Variants in ZNF674 observed in about 807,000 individuals in gnomAD.
The protein encoded by ZNF674 is zinc finger family member 674.
Under a neutral mutation model 7.0 loss-of-function variants are expected in ZNF674, and 2 were observed. The observed-to-expected ratio is 0.29, with a 90% CI of 0.12 to 0.90. The LOEUF (loss-of-function observed/expected upper bound fraction) is 0.90. ZNF674 is among the 40% of genes least tolerant of loss of function. The pLI, the probability that ZNF674 is intolerant of heterozygous loss-of-function variation, is 0.57. For missense variants in ZNF674, 297 were observed against 415.5 expected, an observed-to-expected ratio of 0.71 and a Z score of 2.48; for synonymous variants, 103 against 145.2, an observed-to-expected ratio of 0.71 and a Z score of 2.09.
At chrX:46,544,480 C>A (rs1369858186) in intron 2 of ZNF674, 21 bp downstream of exon 2, 1 of 112,146 alleles carries the variant, frequency 8.9e-6, no homozygotes, top group Non-Finnish European at 1.9e-5. Flanking sequence ...TAGATCTCTG[C>A]CTGTGACCCA....
chrX:46,524,557 A>T (rs1941972910), intron 5 of ZNF674, among the ~76,000 whole-genome samples: 1 of 109,933 alleles, frequency 9.1e-6, no homozygotes, highest in African/African-American at 3.3e-5. Context: ...TTAGCCAGGC[A>T]TGGTGGCAGG....
rs1238299531 is a variant in ZNF674, at chrX:46,528,835, C to T, written c.90G>A (p.Lys30=). 1 of 1,209,797 alleles carries T rather than the reference C, an allele frequency of 8.3e-7. No homozygotes were observed. The highest frequency in any genetic ancestry group is 1.1e-6 in the Non-Finnish European group (1 of 895,162). ...CAAGCATGACATCCCTGTAGAGGTTCTTCTGGGCAGAGTCCAGTTGCTGCC... is the reference window on the plus strand; with the variant it reads ...CAAGCATGACATCCCTGTAGAGGTTTTTCTGGGCAGAGTCCAGTTGCTGCC... ...EEWQQLDSAQ[K]NLYRDVMLEN... Residue 30 remains lysine, a synonymous_variant, in exon 4 of 6, where the codon AAG becomes AAA. Coordinates refer to ENST00000683375, the MANE Select transcript of ZNF674 (RefSeq NM_001190417.2).
intron 5 of ZNF674, among the ~76,000 whole-genome samples, chrX:46,512,069 G>C (rs1941666207): frequency 9.9e-6 from 1 of 101,312 alleles, no homozygotes; most frequent in South Asian, 4.3e-4. Context: ...CAGAGCAACT[G>C]GGTTTTGGCC....
Position 46,520,538 on chromosome X carries a change from T to G in ZNF674, c.238+7812A>C, listed in dbSNP as rs192868012. Among the ~76,000 whole-genome samples the G allele has an allele frequency of 4.5e-3, 505 of 111,553 alleles. 1 individual carries two copies. Among genetic ancestry groups the G allele is most frequent in the African/African-American group, 0.016 (483 of 30,763 alleles). On this transcript the variant is annotated intron_variant, in intron 5 of 5. Coordinates refer to ENST00000683375, the MANE Select transcript of ZNF674 (RefSeq NM_001190417.2). ...AGTTCTGCAAGATGTTACCTACCAA[T>G]GGGGGGAATTGGATAAAGGGTACAT...
chrX:46,539,129 G>T (rs937445607), intron 3 of ZNF674, among the ~76,000 whole-genome samples: 5 of 112,197 alleles, frequency 4.5e-5, no homozygotes, highest in Non-Finnish European at 9.4e-5. Context: ...AAGCTGCAGT[G>T]AGCTGTGATC....
At chrX:46,512,885 T>C (rs981563852) in intron 5 of ZNF674, among the ~76,000 whole-genome samples, 25 of 111,831 alleles carry the variant, frequency 2.2e-4, no homozygotes, top group Non-Finnish European at 1.3e-4. Flanking sequence ...AGATATTGAC[T>C]ATACACAAAA....
At chrX:46,543,789 A>G (rs1942332309) in intron 2 of ZNF674, among the ~76,000 whole-genome samples, 1 of 112,767 alleles carries the variant, frequency 8.9e-6, no homozygotes, top group African/African-American at 3.2e-5. Context: ...AGCTCCGTGT[A>G]GCTTAGCAGG....
At chrX:46,539,969 G>A (rs1942262798) in intron 3 of ZNF674, among the ~76,000 whole-genome samples, 1 of 112,345 alleles carries the variant, frequency 8.9e-6, no homozygotes, top group Admixed American at 9.4e-5. Context: ...TCCTGGCCGG[G>A]TGCGGGGGCT....
chrX:46,528,888 C>A lies in ZNF674; in HGVS notation c.37G>T (p.Val13Leu). 8.3e-7 allele frequency: 1 copy of A among 1,211,852 alleles called. No individual in the cohort carries two copies. The highest frequency in any genetic ancestry group is 1.1e-6 in the Non-Finnish European group (1 of 895,556). ...MSQESLTFKDVFVDFTLEEWQ... is the reference protein window; with the variant it reads ...MSQESLTFKDLFVDFTLEEWQ... Reference sequence around the variant, plus strand: ...TCCTCCAGGGTGAAGTCCACAAACACGTCCTTGAAGGTCAATGATTCCTGT... The same window carrying A: ...TCCTCCAGGGTGAAGTCCACAAACAAGTCCTTGAAGGTCAATGATTCCTGT... Residue 13 changes from valine to leucine, a missense_variant, in exon 4 of 6, where the codon GTG becomes TTG. By Grantham distance (32) the Val-to-Leu change is conservative. Coordinates refer to ENST00000683375, the MANE Select transcript of ZNF674 (RefSeq NM_001190417.2).
chrX:46,503,027 C>T (rs957400773), intron 5 of ZNF674, among the ~76,000 whole-genome samples: 2 of 111,992 alleles, frequency 1.8e-5, no homozygotes, highest in African/African-American at 6.5e-5. Context: ...TGTATCCTAC[C>T]ACTGAATGTC....
intron 5 of ZNF674, among the ~76,000 whole-genome samples, chrX:46,511,220 G>C (rs1308059989): frequency 8.9e-6 from 1 of 111,939 alleles, no homozygotes; most frequent in Non-Finnish European, 1.9e-5. Flanking sequence ...TGTATAATTG[G>C]AAAAGACAAT....
At chrX:46,517,839 G>A (rs754559358) in intron 5 of ZNF674, 10 of 111,398 alleles carry the variant, frequency 9.0e-5, no homozygotes, top group Non-Finnish European at 1.3e-4. Context: ...TAAGGATGAC[G>A]TGCAAATTTG....
chrX:46,506,441 T>C (rs1385713898), intron 5 of ZNF674, among the ~76,000 whole-genome samples: 1 of 108,844 alleles, frequency 9.2e-6, no homozygotes, highest in Non-Finnish European at 1.9e-5. Flanking sequence ...ACTATCCCTG[T>C]GGGGATTTAT....
rs893396195 is a variant in ZNF674 at position 46,531,247 on chromosome X, G to A, written c.16-2338C>T. 1.2e-4 allele frequency among the ~76,000 whole-genome samples: 13 copies of A among 111,857 alleles called. No homozygotes were observed. In the East Asian group the frequency reaches 1.4e-3, roughly 12 times the overall value. On this transcript the variant is annotated intron_variant, in intron 3 of 5. Transcript: ENST00000683375. ...GCCCTATGCATCTCTTCCATCTGGC[G>A]GTTCATCTGTATCTTCTGTAATATC...
chrX:46,516,850 A>G (rs955715355), intron 5 of ZNF674, among the ~76,000 whole-genome samples: 1 of 111,258 alleles, frequency 9.0e-6, no homozygotes, highest in Admixed American at 9.6e-5. Flanking sequence ...ACAAAAAATT[A>G]GCCGGGCATG....
At chrX:46,531,374 G>A (rs756508250) in intron 3 of ZNF674, among the ~76,000 whole-genome samples, 1 of 112,062 alleles carries the variant, frequency 8.9e-6, no homozygotes, top group East Asian at 2.8e-4. Context: ...CCTGATTTGT[G>A]TCCCATCAAT....
At chrX:46,504,345 A>ATT in intron 5 of ZNF674, among the ~76,000 whole-genome samples, 1 of 102,756 alleles carries the variant, frequency 9.7e-6, no homozygotes. Context: ...GATCCCTATA[A>ATT]TTTTTTTTTT....
chrX:46,540,230 C>T (rs977488224), intron 3 of ZNF674, among the ~76,000 whole-genome samples: 37 of 107,293 alleles, frequency 3.4e-4, no homozygotes, highest in African/African-American at 1.2e-3. Context: ...GGCGACAGAG[C>T]GAGACTCTGT....
At chrX:46,511,182 T>C (rs961210153) in intron 5 of ZNF674, among the ~76,000 whole-genome samples, 4 of 112,139 alleles carry the variant, frequency 3.6e-5, no homozygotes, top group African/African-American at 9.7e-5. Flanking sequence ...CAGGTCCTAA[T>C]TCATTGAGAG....
Sources: gnomAD v4.1 joint callset for allele counts (sites outside exome capture counted in the v4.1 genomes callset) on GRCh38, gnomAD v4.1.1 for gene constraint, MANE v1.5 for transcripts, NCBI Gene and HGNC (gene_info 2026-07-23, HGNC 2026-07-21) for gene names.